Variants in KLHL1 observed in about 807,000 individuals in gnomAD.
KLHL1 encodes the protein kelch-like protein 1.
A neutral mutation model predicts 77.7 loss-of-function variants in KLHL1; 47 were observed. The ratio of observed to expected loss-of-function variants is 0.60; its 90% CI spans 0.48 to 0.77. KLHL1 has a LOEUF of 0.77. KLHL1 is among the 30% of genes least tolerant of loss of function. The pLI is 0.00. For missense variants in KLHL1, 925 were observed against 910.8 expected (o/e 1.02, Z -0.20); for synonymous variants, 360 against 325.2 (o/e 1.11, Z -1.15).
intron 5 of KLHL1, among the ~76,000 whole-genome samples, chr13:69,879,742 T>G (rs779609080): frequency 1.3e-5 from 2 of 152,128 alleles, no homozygotes; most frequent in Non-Finnish European, 2.9e-5. Flanking sequence ...AAATAAAAAA[T>G]TGTACTCTTT....
intron 7 of KLHL1, among the ~76,000 whole-genome samples, chr13:69,779,729 T>C (rs1192575380): frequency 1.3e-5 from 2 of 152,078 alleles, no homozygotes; most frequent in African/African-American, 4.8e-5. Flanking sequence ...ATATTTATGC[T>C]GGAAGTGAAG....
chr13:69,777,688 T>C (rs1875901327), intron 7 of KLHL1, among the ~76,000 whole-genome samples: 1 of 152,204 alleles, frequency 6.6e-6, no homozygotes, highest in Admixed American at 6.5e-5. Context: ...GTTCAGCTTA[T>C]GCATCACTTC....
chr13:69,748,727 G>A (rs9317843), intron 7 of KLHL1, among the ~76,000 whole-genome samples: 62,601 of 151,586 alleles, frequency 0.41, 13,101 homozygotes, highest in African/African-American at 0.46. Flanking sequence ...AACAGTGCTC[G>A]GCAAATGATA....
intron 1 of KLHL1, among the ~76,000 whole-genome samples, chr13:70,000,918 T>C (rs1188413520): frequency 1.5e-5 from 2 of 130,004 alleles, no homozygotes; most frequent in Admixed American, 1.6e-4. Context: ...AGATAAAATA[T>C]AACTTACAGA....
intron 1 of KLHL1, among the ~76,000 whole-genome samples, chr13:69,994,182 C>A (rs949349664): frequency 1.3e-5 from 2 of 151,946 alleles, no homozygotes; most frequent in African/African-American, 4.8e-5. Context: ...GAATCAGGCC[C>A]CAAATCTAAC....
At chr13:70,096,365 G>T (rs961266250) in intron 1 of KLHL1, among the ~76,000 whole-genome samples, 1 of 151,908 alleles carries the variant, frequency 6.6e-6, no homozygotes, top group Non-Finnish European at 1.5e-5. Context: ...CCTATTTCCT[G>T]TCTCTTTAAT....
chr13:69,815,277 G>A (rs148474792), intron 6 of KLHL1, among the ~76,000 whole-genome samples: 6 of 152,196 alleles, frequency 3.9e-5, no homozygotes, highest in Middle Eastern at 3.4e-3. Flanking sequence ...AGCACTATTC[G>A]CAATAGCAAA....
intron 5 of KLHL1, among the ~76,000 whole-genome samples, chr13:69,871,217 C>A (rs146719658): frequency 1.3e-5 from 2 of 152,106 alleles, no homozygotes; most frequent in Non-Finnish European, 2.9e-5. Flanking sequence ...TACCCAGGGT[C>A]CTTTAAACCA....
intron 2 of KLHL1, 151 bp downstream of exon 2, chr13:69,975,469 G>T: frequency 4.6e-6 from 3 of 657,278 alleles, no homozygotes; most frequent in Non-Finnish European, 7.3e-6. Flanking sequence ...ATAAAAACAA[G>T]TATAAACAAA....
In KLHL1 at chr13:69,780,729, TATAC is replaced by T. The variant is rs1566244008; in HGVS notation, c.1639+16005_1639+16008del. ...ATATATATATATGTATATATATATA[TATAC>T]ATATATATATACATATATATATATA... On this transcript the variant is annotated intron_variant, in intron 7 of 10. Coordinates refer to ENST00000377844, the MANE Select transcript of KLHL1 (RefSeq NM_020866.3). 2.8e-3 allele frequency among the ~76,000 whole-genome samples: 186 copies of T among 67,538 alleles called. 6 individuals are homozygous for T. Among genetic ancestry groups the T allele is most frequent in the South Asian group, 4.0e-3 (9 of 2,256 alleles). The allele number at this position is 67,538 out of a possible 152,430, so 44.3% of individuals were successfully genotyped here.
chr13:69,964,503 C>T (rs9542134), intron 2 of KLHL1, among the ~76,000 whole-genome samples: 93,816 of 151,742 alleles, frequency 0.62, 29,062 homozygotes, highest in South Asian at 0.65. Flanking sequence ...TTTTTCTGAG[C>T]TTCCTGGAGC....
At chr13:69,989,649 G>A (rs1489415998) in intron 1 of KLHL1, among the ~76,000 whole-genome samples, 1 of 151,740 alleles carries the variant, frequency 6.6e-6, no homozygotes, top group African/African-American at 2.4e-5. Flanking sequence ...GGAGTGTTTT[G>A]TAATTCTCAT....
intron 6 of KLHL1, among the ~76,000 whole-genome samples, chr13:69,823,223 T>C (rs1489370874): frequency 1.3e-5 from 2 of 152,192 alleles, no homozygotes; most frequent in African/African-American, 2.4e-5. Context: ...CCTGTGCTCT[T>C]GCATCAGCAT....
At chr13:69,925,801 T>C (rs1319951600) in intron 4 of KLHL1, among the ~76,000 whole-genome samples, 2 of 152,220 alleles carry the variant, frequency 1.3e-5, no homozygotes, top group African/African-American at 2.4e-5. Flanking sequence ...CATCATGTTG[T>C]TACTCTCATT....
chr13:69,941,965 A>G (rs990325758), intron 3 of KLHL1, among the ~76,000 whole-genome samples: 1 of 151,982 alleles, frequency 6.6e-6, no homozygotes, highest in African/African-American at 2.4e-5. Context: ...CAGTAATTAA[A>G]AAAACTCCCC....
At chr13:69,842,864 AATAAAATCATGCC>A in intron 5 of KLHL1, among the ~76,000 whole-genome samples, 1 of 152,012 alleles carries the variant, frequency 6.6e-6, no homozygotes, top group East Asian at 1.9e-4. Flanking sequence ...CATAAGAAAG[AATAAAATCATGCC>A]ATTTATAGCA....
intron 3 of KLHL1, among the ~76,000 whole-genome samples, chr13:69,960,972 A>T (rs1235284644): frequency 2.0e-5 from 3 of 152,064 alleles, no homozygotes; most frequent in African/African-American, 7.2e-5. Flanking sequence ...AAAAGAAAAG[A>T]CAATTAGAAT....
chr13:70,066,888 T>G (rs1651464080), intron 1 of KLHL1, among the ~76,000 whole-genome samples: 1 of 152,244 alleles, frequency 6.6e-6, no homozygotes, highest in African/African-American at 2.4e-5. Flanking sequence ...TCTAAAATAA[T>G]AATCTATTTG....
At chr13:69,970,971 A>G (rs1423322393) in intron 2 of KLHL1, among the ~76,000 whole-genome samples, 1 of 152,106 alleles carries the variant, frequency 6.6e-6, no homozygotes, top group African/African-American at 2.4e-5. Flanking sequence ...TTCTCAGATC[A>G]TTAGTTTCTG....
Sources: gnomAD v4.1 joint callset for allele counts (sites outside exome capture counted in the v4.1 genomes callset) on GRCh38, gnomAD v4.1.1 for gene constraint, MANE v1.5 for transcripts, NCBI Gene and HGNC (gene_info 2026-07-23, HGNC 2026-07-21) for gene names.